Variants in GPATCH2 observed in about 807,000 individuals in gnomAD.
GPATCH2 encodes the protein G patch domain-containing protein 2.
GPATCH2 carries 51 observed loss-of-function variants against 58.0 expected under a neutral mutation model. The observed-to-expected ratio is 0.88, with a 90% CI of 0.70 to 1.11. The LOEUF (loss-of-function observed/expected upper bound fraction) is 1.11, where lower values mean the gene tolerates loss of function less well. Among genes scored for constraint, GPATCH2 ranks in the 50% most tolerant of loss-of-function variants. GPATCH2 has a pLI of 0.00. For synonymous variants in GPATCH2, 222 were observed against 218.5 expected (o/e 1.02, Z -0.14); for missense variants, 625 against 652.2 (o/e 0.96, Z 0.45).
chr1:217,537,292 G>T (rs1664524394), intron 5 of GPATCH2, among the ~76,000 whole-genome samples: 1 of 152,042 alleles, frequency 6.6e-6, no homozygotes, highest in Non-Finnish European at 1.5e-5. Flanking sequence ...CAAATCCCTT[G>T]ACAATACAGT....
chr1:217,610,793 A>G (rs1004736243), intron 4 of GPATCH2, 96 bp downstream of exon 4: 10 of 802,486 alleles, frequency 1.2e-5, no homozygotes, highest in South Asian at 9.0e-5. Flanking sequence ...TTGTGTTTAC[A>G]TTCTCTAATT....
rs777939774 is a variant in GPATCH2, at chr1:217,619,833, G to A, written c.723C>T (p.Asp241=). Reference sequence around the variant, plus strand: ...CTTTTTGCTCTTCACATTCCATTTTGTCCTTATTGGTCTGGTTCGTTTCCT... The same window carrying A: ...CTTTTTGCTCTTCACATTCCATTTTATCCTTATTGGTCTGGTTCGTTTCCT... The part of the protein sequence containing the change: ...ESEETNQTNK[D]KMECEEQKVS... The change falls in exon 2 of 10, where the codon GAC becomes GAT. Residue 241 remains aspartate, a synonymous_variant. Transcript: ENST00000366935. The A allele has an allele frequency of 6.2e-7, 1 of 1,611,628 alleles. No individual in the cohort carries two copies. The highest frequency in any genetic ancestry group is 8.5e-7 in the Non-Finnish European group (1 of 1,178,890).
chr1:217,441,020 C>T lies in GPATCH2; in HGVS notation c.1366+8229G>A, dbSNP rs146058167. ...GGAAAAAACTACTTTAAAGTTCATA[C>T]GAAACCAAAAAAAGCCCACATATCC... On this transcript the variant is annotated intron_variant, in intron 9 of 9. Coordinates refer to ENST00000366935, the MANE Select transcript of GPATCH2 (RefSeq NM_018040.5). 2.7e-3 allele frequency among the ~76,000 whole-genome samples: 415 copies of T among 151,904 alleles called. 2 individuals carry two copies. The highest frequency in any genetic ancestry group is 7.9e-3 in the African/African-American group (326 of 41,470).
chr1:217,484,099 T>C (rs78144683), intron 8 of GPATCH2, among the ~76,000 whole-genome samples: 3,108 of 152,252 alleles, frequency 0.02, 49 homozygotes, highest in Non-Finnish European at 0.028. Context: ...GACTGGGTCA[T>C]GAGGTGCCTA....
intron 5 of GPATCH2, among the ~76,000 whole-genome samples, chr1:217,523,185 A>AT (rs1159168587): frequency 1.3e-5 from 2 of 151,532 alleles, no homozygotes; most frequent in Non-Finnish European, 2.9e-5. Context: ...ATTTTATTTT[A>AT]TTTTTTTATT....
chr1:217,531,424 G>A (rs952804843), intron 5 of GPATCH2, among the ~76,000 whole-genome samples: 1 of 152,146 alleles, frequency 6.6e-6, no homozygotes, highest in African/African-American at 2.4e-5. Context: ...TATACCTCAA[G>A]TAATTCACAA....
At chr1:217,596,389 G>A (rs1446697988) in intron 5 of GPATCH2, among the ~76,000 whole-genome samples, 1 of 152,172 alleles carries the variant, frequency 6.6e-6, no homozygotes, top group Non-Finnish European at 1.5e-5. Flanking sequence ...CCACAGGGTA[G>A]CGTTAAAATC....
chr1:217,514,124 GC>G (rs562833618), intron 6 of GPATCH2, among the ~76,000 whole-genome samples: 1 of 149,450 alleles, frequency 6.7e-6, no homozygotes, highest in African/African-American at 2.5e-5. Flanking sequence ...ACCATGCCTG[GC>G]CCCCCCGCAA....
At chr1:217,579,583 C>T (rs553725313) in intron 5 of GPATCH2, among the ~76,000 whole-genome samples, 1 of 152,256 alleles carries the variant, frequency 6.6e-6, no homozygotes, top group South Asian at 2.1e-4. Flanking sequence ...TTCAAATGTT[C>T]AGACATAACA....
At chr1:217,523,879 G>C (rs1663634450) in intron 5 of GPATCH2, among the ~76,000 whole-genome samples, 3 of 147,528 alleles carry the variant, frequency 2.0e-5, no homozygotes, top group Non-Finnish European at 3.0e-5. Flanking sequence ...CTCCCGGATG[G>C]GGCGGCTGGC....
intron 5 of GPATCH2, among the ~76,000 whole-genome samples, chr1:217,579,782 C>G (rs1666974529): frequency 6.6e-6 from 1 of 152,130 alleles, no homozygotes; most frequent in Admixed American, 6.6e-5. Flanking sequence ...CTATCTGCTG[C>G]TGATAAAAAA....
intron 5 of GPATCH2, among the ~76,000 whole-genome samples, chr1:217,585,216 A>G (rs1380127395): frequency 6.6e-6 from 1 of 151,948 alleles, no homozygotes; most frequent in African/African-American, 2.4e-5. Flanking sequence ...AGACTCATTC[A>G]TGTTAATGTT....
intron 5 of GPATCH2, among the ~76,000 whole-genome samples, chr1:217,582,635 A>G (rs939489564): frequency 1.3e-5 from 2 of 152,230 alleles, no homozygotes; most frequent in African/African-American, 4.8e-5. Flanking sequence ...TGCTCAAAAG[A>G]TAATGCTTTA....
chr1:217,526,922 T>C (rs949020829), intron 5 of GPATCH2, among the ~76,000 whole-genome samples: 1 of 152,166 alleles, frequency 6.6e-6, no homozygotes, highest in African/African-American at 2.4e-5. Context: ...GGCATCAAGG[T>C]TGTGTGTTCC....
At chr1:217,492,536 A>G in intron 7 of GPATCH2, 1 of 152,156 alleles carries the variant, frequency 6.6e-6, no homozygotes, top group East Asian at 1.9e-4. Flanking sequence ...CCCCAACAAA[A>G]ATAAAAGTCT....
chr1:217,538,178 A>G (rs1303607801), intron 5 of GPATCH2, among the ~76,000 whole-genome samples: 1 of 152,242 alleles, frequency 6.6e-6, no homozygotes, highest in Admixed American at 6.5e-5. Flanking sequence ...TCCAAAAGGC[A>G]TGATATATTC....
chr1:217,524,722 G>A (rs1012343290), intron 5 of GPATCH2, among the ~76,000 whole-genome samples: 6 of 150,702 alleles, frequency 4.0e-5, no homozygotes, highest in African/African-American at 1.5e-4. Flanking sequence ...CCAGTCAGGC[G>A]TGGCAGCGCG....
At chr1:217,561,618 C>A (rs1052097188) in intron 5 of GPATCH2, among the ~76,000 whole-genome samples, 1 of 152,144 alleles carries the variant, frequency 6.6e-6, no homozygotes, top group Non-Finnish European at 1.5e-5. Context: ...CTTCACACAT[C>A]GGTATTTCCT....
chr1:217,445,354 C>T (rs1301227976), intron 9 of GPATCH2, among the ~76,000 whole-genome samples: 1 of 152,050 alleles, frequency 6.6e-6, no homozygotes, highest in African/African-American at 2.4e-5. Flanking sequence ...GAACTTAAAT[C>T]TTTTTACTAT....
Sources: gnomAD v4.1 joint callset for allele counts (sites outside exome capture counted in the v4.1 genomes callset) on GRCh38, gnomAD v4.1.1 for gene constraint, MANE v1.5 for transcripts, NCBI Gene and HGNC (gene_info 2026-07-23, HGNC 2026-07-21) for gene names.